The following MGAT4C variants were observed in gnomAD, a reference collection of about 807,000 sequenced individuals.
MGAT4C encodes alpha-1,3-mannosyl-glycoprotein 4-beta-N-acetylglucosaminyltransferase C.
A neutral mutation model predicts 40.1 loss-of-function variants in MGAT4C; 19 were observed. The observed-to-expected ratio is 0.47, with a 90% confidence interval of 0.33 to 0.70. MGAT4C has a LOEUF of 0.70. Among genes scored for constraint, MGAT4C ranks in the 30% least tolerant of loss-of-function variants. The pLI is 0.02. For missense variants in MGAT4C, 491 were observed against 563.2 expected (o/e 0.87, Z 1.30); for synonymous variants, 181 against 187.1 (o/e 0.97, Z 0.27).
chr12:86,830,997 A>G (rs969777770), intron 1 of MGAT4C, among the ~76,000 whole-genome samples: 8 of 151,886 alleles, frequency 5.3e-5, no homozygotes, highest in African/African-American at 1.9e-4. Context: ...AGGTCAAAGG[A>G]GAACATATAA....
chr12:86,457,304 A>G (rs1957526052), intron 2 of MGAT4C, among the ~76,000 whole-genome samples: 1 of 152,094 alleles, frequency 6.6e-6, no homozygotes, highest in African/African-American at 2.4e-5. Context: ...TTGCTTTTCC[A>G]AAGCACATAA....
chr12:86,396,746 A>T (rs961502492), intron 3 of MGAT4C, among the ~76,000 whole-genome samples: 1 of 152,134 alleles, frequency 6.6e-6, no homozygotes, highest in Non-Finnish European at 1.5e-5. Context: ...TAGAGTAAAT[A>T]AAATTAGAAG....
In MGAT4C at chr12:86,179,027, G is replaced by T. The variant is rs547633152; in HGVS notation, c.-57+77212C>A. Among the ~76,000 whole-genome samples the T allele has an allele frequency of 5.9e-5, 9 of 152,280 alleles. No individual in the cohort carries two copies. In the East Asian group the frequency reaches 1.7e-3, roughly 29 times the overall value. On this transcript the variant is annotated intron_variant, in intron 1 of 4. Transcript: ENST00000611864. Reference sequence around the variant, plus strand: ...GATTACACCTGAATATGGTTTGGCTGTGTCTCCAGCCAAATGTCAACTTGA... The same window carrying T: ...GATTACACCTGAATATGGTTTGGCTTTGTCTCCAGCCAAATGTCAACTTGA...
chr12:86,530,022 C>T (rs766436628), intron 2 of MGAT4C, among the ~76,000 whole-genome samples: 11 of 151,904 alleles, frequency 7.2e-5, no homozygotes, highest in Admixed American at 2.6e-4. Context: ...TTCACATTTT[C>T]GTATCTTTTT....
intron 4 of MGAT4C, among the ~76,000 whole-genome samples, chr12:86,281,388 T>C (rs76877535): frequency 0.07 from 10,648 of 152,002 alleles, 909 homozygotes; most frequent in East Asian, 0.25. Flanking sequence ...AAAATATATA[T>C]CCATTTTGTT....
intron 1 of MGAT4C, among the ~76,000 whole-genome samples, chr12:86,781,038 A>G (rs921554221): frequency 4.0e-5 from 6 of 149,320 alleles, no homozygotes; most frequent in African/African-American, 1.3e-4. Flanking sequence ...GTGTGTGTGT[A>G]TGTATGTCAC....
At chr12:86,243,987 C>T (rs1323646974) in intron 1 of MGAT4C, among the ~76,000 whole-genome samples, 2 of 152,100 alleles carry the variant, frequency 1.3e-5, no homozygotes, top group Non-Finnish European at 2.9e-5. Flanking sequence ...TTCAGCCTGC[C>T]CCTGTGACTT....
At chr12:86,247,370 C>CAT (rs1175871631) in intron 1 of MGAT4C, among the ~76,000 whole-genome samples, 15 of 152,010 alleles carry the variant, frequency 9.9e-5, no homozygotes, top group Admixed American at 5.2e-4. Context: ...TTCACTTGAC[C>CAT]ATATATATCT....
At chr12:86,774,309 TTC>T (rs374550682) in intron 1 of MGAT4C, among the ~76,000 whole-genome samples, 5 of 39,674 alleles carry the variant, frequency 1.3e-4, no homozygotes, top group African/African-American at 3.2e-4. Flanking sequence ...CTTTCTTTCT[TTC>T]TTTCTTTCTT....
At chr12:86,185,941 C>T (rs1456126907) in intron 1 of MGAT4C, among the ~76,000 whole-genome samples, 3 of 151,862 alleles carry the variant, frequency 2.0e-5, no homozygotes, top group Non-Finnish European at 2.9e-5. Context: ...AAAAAAATGG[C>T]ATTAAGGAGA....
intron 1 of MGAT4C, among the ~76,000 whole-genome samples, chr12:86,095,114 A>G (rs1227115940): frequency 1.3e-5 from 2 of 152,130 alleles, no homozygotes; most frequent in Non-Finnish European, 2.9e-5. Flanking sequence ...GATATAAATG[A>G]TGTATGTTTA....
chr12:86,052,958 G>A (rs370442442), intron 1 of MGAT4C, among the ~76,000 whole-genome samples: 4 of 151,896 alleles, frequency 2.6e-5, no homozygotes, highest in Non-Finnish European at 4.4e-5. Flanking sequence ...AAATGCAAAC[G>A]GCAGCAAAGG....
intron 2 of MGAT4C, among the ~76,000 whole-genome samples, chr12:86,578,191 T>C (rs1471748335): frequency 6.6e-6 from 1 of 151,772 alleles, no homozygotes; most frequent in Non-Finnish European, 1.5e-5. Flanking sequence ...GGAGGGTGAA[T>C]GCTAATGCAT....
intron 1 of MGAT4C, among the ~76,000 whole-genome samples, chr12:86,064,290 G>C (rs1317371023): frequency 1.3e-5 from 2 of 152,166 alleles, no homozygotes; most frequent in Non-Finnish European, 2.9e-5. Flanking sequence ...TGAGGCAGGA[G>C]AATGGCATGA....
chr12:86,230,733 G>C (rs893365150), intron 1 of MGAT4C, among the ~76,000 whole-genome samples: 1 of 152,040 alleles, frequency 6.6e-6, no homozygotes, highest in African/African-American at 2.4e-5. Context: ...GAAAATCTCT[G>C]AGCAACACAA....
intron 1 of MGAT4C, among the ~76,000 whole-genome samples, chr12:86,116,177 TG>T (rs1486067777): frequency 6.6e-6 from 1 of 151,760 alleles, no homozygotes; most frequent in Admixed American, 6.6e-5. Context: ...CAGATCACAT[TG>T]GGCCTTAGAG....
chr12:86,810,074 T>G (rs1025678672), intron 1 of MGAT4C, among the ~76,000 whole-genome samples: 1 of 152,036 alleles, frequency 6.6e-6, no homozygotes. Flanking sequence ...TAAAAATCCA[T>G]ACAGAGTCTT....
intron 2 of MGAT4C, among the ~76,000 whole-genome samples, chr12:86,435,459 T>C (rs114209225): frequency 6.6e-6 from 1 of 151,990 alleles, no homozygotes; most frequent in African/African-American, 2.4e-5. Context: ...AAAGAAAGCA[T>C]GCATTTGTGA....
intron 3 of MGAT4C, among the ~76,000 whole-genome samples, chr12:86,424,393 T>A (rs1956886435): frequency 1.3e-5 from 2 of 152,178 alleles, no homozygotes; most frequent in African/African-American, 4.8e-5. Context: ...TTCAGTGTTC[T>A]TTTTTTAGCC....
Sources: gnomAD v4.1 joint callset for allele counts (sites outside exome capture counted in the v4.1 genomes callset) on GRCh38, gnomAD v4.1.1 for gene constraint, MANE v1.5 for transcripts, NCBI Gene and HGNC (gene_info 2026-07-23, HGNC 2026-07-21) for gene names.